FHIT: variants seen among roughly 807,000 people sequenced by gnomAD.
FHIT encodes bis(5'-adenosyl)-triphosphatase.
In FHIT, 19 loss-of-function variants were observed where a neutral mutation model predicts 17.9. The ratio of observed to expected loss-of-function variants is 1.06; its 90% CI spans 0.74 to 1.56. FHIT has a LOEUF of 1.56. FHIT is among the 40% of genes most tolerant of loss of function. The probability of loss-of-function intolerance (pLI) is 0.00; values close to 1 mark genes in which losing one functional copy is unlikely to be tolerated. For synonymous variants in FHIT, 81 were observed against 69.7 expected (o/e 1.16, Z -0.81); for missense variants, 248 against 189.2 (o/e 1.31, Z -1.82).
intron 5 of FHIT, among the ~76,000 whole-genome samples, chr3:60,052,750 T>C (rs1423483520): frequency 2.0e-5 from 3 of 148,260 alleles, no homozygotes; most frequent in African/African-American, 7.3e-5. Flanking sequence ...CTAAAATATA[T>C]ATACATAGTG....
At chr3:60,356,964 A>C (rs1300954062) in intron 5 of FHIT, among the ~76,000 whole-genome samples, 1 of 152,150 alleles carries the variant, frequency 6.6e-6, no homozygotes, top group Admixed American at 6.5e-5. Flanking sequence ...TAGTGAAATC[A>C]GCACAAATTC....
chr3:60,712,053 C>T (rs1461324377), intron 4 of FHIT, among the ~76,000 whole-genome samples: 8 of 152,162 alleles, frequency 5.3e-5, no homozygotes, highest in Non-Finnish European at 1.0e-4. Context: ...AAGGGAAGCC[C>T]ATCAGACTAA....
chr3:60,632,657 T>C (rs2039476549), intron 4 of FHIT, among the ~76,000 whole-genome samples: 1 of 152,190 alleles, frequency 6.6e-6, no homozygotes, highest in African/African-American at 2.4e-5. Context: ...ACGCCATAAT[T>C]TGACCCTAAT....
intron 5 of FHIT, among the ~76,000 whole-genome samples, chr3:60,139,367 A>T (rs905992042): frequency 2.3e-5 from 3 of 129,786 alleles, no homozygotes; most frequent in African/African-American, 9.0e-5. Flanking sequence ...ATGACAGACT[A>T]ATTTAACCAG....
intron 2 of FHIT, among the ~76,000 whole-genome samples, chr3:61,101,811 T>TGA (rs1223179891): frequency 3.9e-5 from 6 of 152,256 alleles, no homozygotes; most frequent in African/African-American, 1.2e-4. Context: ...ATTCTCTTCA[T>TGA]AGCAATTGTG....
chr3:60,145,995 T>G (rs553911637), intron 5 of FHIT, among the ~76,000 whole-genome samples: 1 of 152,270 alleles, frequency 6.6e-6, no homozygotes, highest in African/African-American at 2.4e-5. Context: ...ACATACAGCT[T>G]TGTCATCAAA....
At chr3:60,715,015 T>C (rs1427755548) in intron 4 of FHIT, among the ~76,000 whole-genome samples, 2 of 152,188 alleles carry the variant, frequency 1.3e-5, no homozygotes, top group East Asian at 3.9e-4. Flanking sequence ...GGAGGCATCA[T>C]GCTACCTGAC....
intron 4 of FHIT, among the ~76,000 whole-genome samples, chr3:60,759,440 G>C (rs1262906646): frequency 6.6e-6 from 1 of 152,182 alleles, no homozygotes; most frequent in Non-Finnish European, 1.5e-5. Context: ...GCTAGAGATA[G>C]AGATTTCGAA....
intron 4 of FHIT, among the ~76,000 whole-genome samples, chr3:60,706,757 T>A (rs539691322): frequency 6.6e-6 from 1 of 152,356 alleles, no homozygotes; most frequent in African/African-American, 2.4e-5. Flanking sequence ...TTTGCTGAAT[T>A]CTGTTTTTGT....
intron 5 of FHIT, among the ~76,000 whole-genome samples, chr3:60,521,408 CA>C: frequency 6.6e-6 from 1 of 152,004 alleles, no homozygotes; most frequent in Non-Finnish European, 1.5e-5. Context: ...CCACCACACC[CA>C]GCTAATTTTT....
At chr3:61,044,242 T>C (rs2033671836) in intron 2 of FHIT, among the ~76,000 whole-genome samples, 1 of 152,126 alleles carries the variant, frequency 6.6e-6, no homozygotes, top group Non-Finnish European at 1.5e-5. Context: ...TGAAAAAAGA[T>C]TACATGAATG....
At chr3:59,930,889 A>T (rs979757497) in intron 7 of FHIT, among the ~76,000 whole-genome samples, 3 of 152,016 alleles carry the variant, frequency 2.0e-5, no homozygotes, top group Non-Finnish European at 4.4e-5. Context: ...TGCCCAACCT[A>T]CCTTTCCCAG....
At chr3:60,950,432 G>T (rs1407927768) in intron 3 of FHIT, among the ~76,000 whole-genome samples, 1 of 151,264 alleles carries the variant, frequency 6.6e-6, no homozygotes, top group Non-Finnish European at 1.5e-5. Flanking sequence ...CTTGGGAATT[G>T]TTCTATAAAA....
intron 8 of FHIT, among the ~76,000 whole-genome samples, chr3:59,873,275 G>T (rs946654792): frequency 6.6e-6 from 1 of 152,144 alleles, no homozygotes; most frequent in African/African-American, 2.4e-5. Context: ...GCACATGGTG[G>T]CTATTCAGGT....
At chr3:60,771,942 T>C (rs1302952223) in intron 4 of FHIT, among the ~76,000 whole-genome samples, 1 of 152,204 alleles carries the variant, frequency 6.6e-6, no homozygotes, top group Admixed American at 6.5e-5. Context: ...ATTTTGGCTC[T>C]CTTCTGCAGG....
chr3:59,835,633 A>C (rs1701313672), intron 8 of FHIT, among the ~76,000 whole-genome samples: 1 of 152,148 alleles, frequency 6.6e-6, no homozygotes, highest in Non-Finnish European at 1.5e-5. Flanking sequence ...AGGATTAAAG[A>C]CATTACTCTC....
At chr3:60,791,957 ACCT>A (rs1216402711) in intron 4 of FHIT, among the ~76,000 whole-genome samples, 7 of 152,158 alleles carry the variant, frequency 4.6e-5, no homozygotes, top group African/African-American at 1.4e-4. Flanking sequence ...TTGTATACAC[ACCT>A]CCTCTCAAAA....
intron 6 of FHIT, among the ~76,000 whole-genome samples, chr3:60,011,954 G>A (rs1700154488): frequency 6.6e-6 from 1 of 152,086 alleles, no homozygotes; most frequent in Admixed American, 6.5e-5. Context: ...TTGGAAATGG[G>A]CAAACTCACC....
intron 4 of FHIT, among the ~76,000 whole-genome samples, chr3:60,556,737 G>A (rs1419245626): frequency 6.6e-6 from 1 of 152,246 alleles, no homozygotes; most frequent in African/African-American, 2.4e-5. Flanking sequence ...AATAGAGGCT[G>A]GTGGTAGAGA....
Sources: gnomAD v4.1 joint callset for allele counts (sites outside exome capture counted in the v4.1 genomes callset) on GRCh38, gnomAD v4.1.1 for gene constraint, MANE v1.5 for transcripts, NCBI Gene and HGNC (gene_info 2026-07-23, HGNC 2026-07-21) for gene names.